The following STARD9 variants were observed in gnomAD, a reference collection of about 807,000 sequenced individuals.
STARD9 encodes stAR-related lipid transfer protein 9.
STARD9 carries 346 observed loss-of-function variants against 399.8 expected under a neutral mutation model. The ratio of observed to expected loss-of-function variants is 0.87; its 90% CI spans 0.79 to 0.95. STARD9 has a LOEUF of 0.95. Ranked by LOEUF, STARD9 falls within the 40% of genes least tolerant of loss-of-function variation. STARD9 has a pLI of 0.00. For missense variants in STARD9, 5,832 were observed against 5,667.5 expected (o/e 1.03, Z -0.93); for synonymous variants, 2,203 against 2,143.5 (o/e 1.03, Z -0.77).
intron 26 of STARD9, among the ~76,000 whole-genome samples, chr15:42,716,119 T>C (rs1291140134): frequency 6.6e-6 from 1 of 152,100 alleles, no homozygotes; most frequent in Non-Finnish European, 1.5e-5. Context: ...GGTCCTATTG[T>C]TGAGGAGCTT....
At position 42,694,043 on chromosome 15, in the gene STARD9, G is replaced by A; in HGVS notation, c.12465G>A (p.Gly4155=). The A allele has an allele frequency of 6.5e-7, 1 of 1,535,458 alleles. No homozygotes were observed. The highest frequency in any genetic ancestry group is 8.7e-7 in the Non-Finnish European group (1 of 1,146,158). Residue 4155 remains glycine, a synonymous_variant, in exon 23 of 33, where the codon GGG becomes GGA. Transcript: ENST00000290607. Reference sequence around the variant, plus strand: ...GGGTTCAGAAGGGCTCACCTGGGGGGTTGGACATGACTGAGGAGGAGCTGG... The same window carrying A: ...GGGTTCAGAAGGGCTCACCTGGGGGATTGGACATGACTGAGGAGGAGCTGG... The part of the protein sequence containing the change: ...WCGVQKGSPG[G]LDMTEEELGA...
chr15:42,670,018 T>C (rs1241356300), intron 16 of STARD9: 1 of 152,032 alleles, frequency 6.6e-6, no homozygotes. Flanking sequence ...GCCACTGCGC[T>C]CCAGCCTGGG....
intron 19 of STARD9, 56 bp from the exon 20 acceptor site, chr15:42,675,816 C>T (rs1055009938): frequency 2.0e-6 from 3 of 1,533,414 alleles, no homozygotes; most frequent in Admixed American, 2.0e-5. Flanking sequence ...AAAAGCCAAG[C>T]TGGGAGAGGT....
rs34614271 is a variant in STARD9 at position 42,699,392 on chromosome 15, C to CTTTTTTTTTTTTTTTTTTTTTTT, written c.13284+3532_13284+3533insTTTTTTTTTTTTTTTTTTTTTTT. The stretch of plus-strand genomic sequence containing the variant: ...TCTATGAGATCAACTTTTTTCTTTT[C>CTTTTTTTTTTTTTTTTTTTTTTT]TTTTTTTTTTTTTTTTTTTTGAGAT... On this transcript the variant is annotated intron_variant, in intron 26 of 32. Coordinates refer to ENST00000290607, the MANE Select transcript of STARD9 (RefSeq NM_020759.3). Among the ~76,000 whole-genome samples, 45 of 113,292 alleles carry CTTTTTTTTTTTTTTTTTTTTTTT rather than the reference C, an allele frequency of 4.0e-4. 1 individual carries two copies. The highest frequency in any genetic ancestry group is 1.7e-3 in the African/African-American group (42 of 24,552). The allele number at this position is 113,292 out of a possible 152,430, so 74.3% of individuals were successfully genotyped here.
intron 26 of STARD9, among the ~76,000 whole-genome samples, chr15:42,700,619 T>C (rs753974961): frequency 6.3e-4 from 96 of 152,316 alleles, no homozygotes; most frequent in Middle Eastern, 3.4e-3. Flanking sequence ...CATTTTAAAG[T>C]TGAATTCTTT....
At chr15:42,603,814 G>A (rs1261252769) in intron 3 of STARD9, among the ~76,000 whole-genome samples, 1 of 152,134 alleles carries the variant, frequency 6.6e-6, no homozygotes. Flanking sequence ...GGTGGCACCA[G>A]CTGGTCATCA....
chr15:42,582,555 A>G (rs2058195874), intron 1 of STARD9, among the ~76,000 whole-genome samples: 1 of 152,192 alleles, frequency 6.6e-6, no homozygotes. Context: ...AGATATAAAG[A>G]AAGGATTTGA....
chr15:42,618,062 T>A (rs2059009521), intron 3 of STARD9, among the ~76,000 whole-genome samples: 1 of 152,028 alleles, frequency 6.6e-6, no homozygotes, highest in South Asian at 2.1e-4. Flanking sequence ...CCTAGCCCAT[T>A]CCTTCATTTA....
intron 13 of STARD9, among the ~76,000 whole-genome samples, chr15:42,664,826 C>A (rs986927674): frequency 3.4e-5 from 5 of 147,736 alleles, no homozygotes; most frequent in Admixed American, 6.7e-5. Flanking sequence ...ACACACACAC[C>A]CCATACGTAC....
At chr15:42,662,230 G>A (rs1162887205) in intron 10 of STARD9, among the ~76,000 whole-genome samples, 1 of 152,140 alleles carries the variant, frequency 6.6e-6, no homozygotes, top group Non-Finnish European at 1.5e-5. Flanking sequence ...TTAGAAAGAG[G>A]TAGTCTTGAG....
intron 8 of STARD9, among the ~76,000 whole-genome samples, chr15:42,651,793 A>G (rs1233974790): frequency 6.6e-6 from 1 of 152,086 alleles, no homozygotes; most frequent in East Asian, 1.9e-4. Context: ...TCTTCAGGGT[A>G]CCCTGAGCTC....
intron 7 of STARD9, among the ~76,000 whole-genome samples, chr15:42,641,418 A>G (rs910676802): frequency 3.3e-5 from 5 of 151,850 alleles, no homozygotes; most frequent in Non-Finnish European, 7.4e-5. Flanking sequence ...CACAATGTGC[A>G]GGGTTGTTAC....
chr15:42,597,756 C>T (rs1218198100), intron 3 of STARD9, among the ~76,000 whole-genome samples: 3 of 151,954 alleles, frequency 2.0e-5, no homozygotes, highest in Non-Finnish European at 4.4e-5. Flanking sequence ...AGGCTGGTCT[C>T]GAACTCCTGA....
rs1304572645 is a variant in STARD9 at position 42,663,243 on chromosome 15, T to G, written c.869-38T>G. On this transcript the variant is annotated intron_variant, in intron 11 of 32. Coordinates refer to ENST00000290607, the MANE Select transcript of STARD9 (RefSeq NM_020759.3). ...TTGTTTTAATATATTTGCTTCATAA[T>G]TCCTTCTTTCTTCCATTTTCTTTTT... The G allele has an allele frequency of 6.0e-6, 9 of 1,498,606 alleles. No individual in the cohort carries two copies. The Admixed American group carries it at 1.9e-4, about 31-fold the overall frequency. The allele number at this position is 1,498,606 out of a possible 1,614,324, so 92.8% of individuals were successfully genotyped here.
At chr15:42,677,686 T>C (rs1053984441) in intron 20 of STARD9, among the ~76,000 whole-genome samples, 2 of 152,236 alleles carry the variant, frequency 1.3e-5, no homozygotes, top group African/African-American at 4.8e-5. Context: ...AGAAAAGCTG[T>C]GTGACCTTAG....
intron 19 of STARD9, 41 bp from the exon 20 acceptor site, chr15:42,675,831 G>A (rs1010735910): frequency 2.0e-6 from 3 of 1,534,800 alleles, no homozygotes; most frequent in South Asian, 2.4e-5. Context: ...AGAGGTGGAG[G>A]CGATGACAGC....
chr15:42,643,515 AAAC>A, intron 7 of STARD9, among the ~76,000 whole-genome samples: 1 of 151,970 alleles, frequency 6.6e-6, no homozygotes, highest in South Asian at 2.1e-4. Flanking sequence ...TTTTAAAAAA[AAAC>A]AGAGTCTCGC....
intron 3 of STARD9, among the ~76,000 whole-genome samples, chr15:42,629,004 C>T (rs2059278573): frequency 6.6e-6 from 1 of 151,938 alleles, no homozygotes; most frequent in South Asian, 2.1e-4. Flanking sequence ...AAGTATTTCT[C>T]ATACTACCCC....
intron 3 of STARD9, among the ~76,000 whole-genome samples, chr15:42,606,952 CATTG>C (rs936287437): frequency 6.6e-6 from 1 of 151,352 alleles, no homozygotes; most frequent in African/African-American, 2.4e-5. Context: ...AAGTGTACTT[CATTG>C]ATTGATTGAT....
Sources: gnomAD v4.1 joint callset for allele counts (sites outside exome capture counted in the v4.1 genomes callset) on GRCh38, gnomAD v4.1.1 for gene constraint, MANE v1.5 for transcripts, NCBI Gene and HGNC (gene_info 2026-07-23, HGNC 2026-07-21) for gene names.